Variants in DNAH8 observed in about 807,000 individuals in gnomAD.
The protein encoded by DNAH8 is dynein axonemal heavy chain 8, also known as axonemal beta dynein heavy chain 8.
DNAH8 carries 382 observed loss-of-function variants against 562.1 expected under a neutral mutation model. The ratio of observed to expected loss-of-function variants is 0.68; its 90% CI spans 0.63 to 0.74. The LOEUF is 0.74. Among genes scored for constraint, DNAH8 ranks in the 30% least tolerant of loss-of-function variants. The pLI, the probability that DNAH8 is intolerant of heterozygous loss-of-function variation, is 0.00. For missense variants in DNAH8, 5,203 were observed against 5,620.4 expected (o/e 0.93, Z 2.37); for synonymous variants, 1,881 against 1,919.4 (o/e 0.98, Z 0.52).
Position 39,015,020 on chromosome 6 carries a change from A to G in DNAH8, c.13714+2383A>G, listed in dbSNP as rs1187381900. Among the ~76,000 whole-genome samples, 11 of 152,070 alleles carry G rather than the reference A, an allele frequency of 7.2e-5. 1 individual carries two copies. The highest frequency in any genetic ancestry group is 1.6e-4 in the Non-Finnish European group (11 of 68,024). ...GTCTCTGAGAGAGCAAGGAGGGACA[A>G]TGTAGGCTGGAGGCAAGGTACAAGA... On this transcript the variant is annotated intron_variant, in intron 91 of 92. Transcript: ENST00000327475.
intron 17 of DNAH8, among the ~76,000 whole-genome samples, chr6:38,784,789 C>T (rs1228906750): frequency 6.6e-6 from 1 of 152,188 alleles, no homozygotes; most frequent in Admixed American, 6.5e-5. Flanking sequence ...GTGGCTTGCC[C>T]AAGATCACAC....
chr6:38,922,166 CA>C (rs902639734), intron 71 of DNAH8, among the ~76,000 whole-genome samples: 3 of 151,712 alleles, frequency 2.0e-5, no homozygotes, highest in Non-Finnish European at 2.9e-5. Flanking sequence ...AGAGACCTGA[CA>C]GGGGCAATCT....
intron 8 of DNAH8, among the ~76,000 whole-genome samples, chr6:38,745,335 C>CTAA (rs1764839149): frequency 6.6e-6 from 1 of 152,186 alleles, no homozygotes; most frequent in Non-Finnish European, 1.5e-5. Context: ...CAATAAAAGG[C>CTAA]TAATGCATTA....
chr6:38,888,129 G>T (rs1166579435), intron 57 of DNAH8, among the ~76,000 whole-genome samples: 1 of 152,044 alleles, frequency 6.6e-6, no homozygotes, highest in Admixed American at 6.5e-5. Context: ...ATGAGCCACC[G>T]TGCCCATCCG....
At chr6:38,806,033 T>A (rs961514455) in intron 23 of DNAH8, among the ~76,000 whole-genome samples, 6 of 152,254 alleles carry the variant, frequency 3.9e-5, no homozygotes, top group East Asian at 1.9e-4. Context: ...CTCTGGACTC[T>A]CCCCCAGGAG....
chr6:38,992,993 A>G (rs1025362589), intron 88 of DNAH8, among the ~76,000 whole-genome samples: 4 of 152,046 alleles, frequency 2.6e-5, no homozygotes, highest in Admixed American at 1.3e-4. Context: ...CTACAGCTAT[A>G]TCTATGTATA....
intron 56 of DNAH8, 64 bp downstream of exon 56, chr6:38,884,062 A>G (rs1778723478): frequency 2.8e-6 from 3 of 1,060,746 alleles, no homozygotes; most frequent in Non-Finnish European, 3.6e-6. Flanking sequence ...TATATTATAT[A>G]TATGTAAATG....
At chr6:38,960,753 C>T (rs1409246392) in intron 82 of DNAH8, among the ~76,000 whole-genome samples, 4 of 151,966 alleles carry the variant, frequency 2.6e-5, no homozygotes, top group African/African-American at 9.7e-5. Flanking sequence ...TTCAGCAGTG[C>T]TGCTACTAAA....
intron 85 of DNAH8, among the ~76,000 whole-genome samples, chr6:38,980,497 T>C (rs1224571863): frequency 6.6e-6 from 1 of 152,164 alleles, no homozygotes; most frequent in Non-Finnish European, 1.5e-5. Flanking sequence ...GGGTGGAAGA[T>C]GGTTCTTCAC....
Position 38,761,686 on chromosome 6 carries a change from C to T in DNAH8, c.1516-16C>T. The T allele has an allele frequency of 7.7e-7, 1 of 1,298,222 alleles. No homozygotes were observed. The highest frequency in any genetic ancestry group is 1.1e-6 in the Non-Finnish European group (1 of 940,918). 80.4% of individuals were successfully genotyped at this position (1,298,222 alleles called of 1,614,324 possible). A position where few individuals can be genotyped will look rare whatever the true frequency, so the allele number is the denominator to read the frequency against. On this transcript the variant is annotated splice_polypyrimidine_tract_variant and intron_variant, in intron 10 of 92. Coordinates refer to ENST00000327475, the MANE Select transcript of DNAH8 (RefSeq NM_001206927.2). ...TCTTTTTACATATAATTATTTTGTA[C>T]CTATATTTATTTCAGGTAACAAATC... is the stretch of plus-strand genomic sequence containing the variant.
At position 39,030,591 on chromosome 6, in the gene DNAH8, G is replaced by A; in HGVS notation, c.*199G>A. On this transcript the variant is annotated 3_prime_UTR_variant, in exon 93 of 93. Transcript: ENST00000327475. ...TTCAAAAAGATAACTCTAAATGAAT[G>A]TTTTTTATTCTGGGAAATCATATTT... The A allele has an allele frequency of 3.9e-6, 2 of 514,816 alleles. No homozygotes were observed. Among genetic ancestry groups the A allele is most frequent in the South Asian group, 6.2e-5 (2 of 32,346 alleles). The allele number at this position is 514,816 out of a possible 1,614,324, so 31.9% of individuals were successfully genotyped here.
chr6:38,942,822 C>T (rs1399458896), intron 79 of DNAH8, among the ~76,000 whole-genome samples: 1 of 152,196 alleles, frequency 6.6e-6, no homozygotes, highest in African/African-American at 2.4e-5. Flanking sequence ...CATAGTCCCA[C>T]CCCGTCTCAC....
chr6:39,011,153 A>T lies in DNAH8; in HGVS notation c.13372-1062A>T, dbSNP rs1766187008. ...TGCTTTCCGTCTTCCTCTTTCACTC[A>T]CTAGAAACAACCCAATTGCAGTAAA... On this transcript the variant is annotated intron_variant, in intron 89 of 92. Coordinates refer to ENST00000327475, the MANE Select transcript of DNAH8 (RefSeq NM_001206927.2). Among the ~76,000 whole-genome samples the T allele has an allele frequency of 2.7e-5, 4 of 148,872 alleles. No homozygotes were observed. In the South Asian group the frequency reaches 8.7e-4, roughly 32 times the overall value.
chr6:39,021,609 G>T (rs2235869), intron 91 of DNAH8, among the ~76,000 whole-genome samples: 82,736 of 152,070 alleles, frequency 0.54, 24,568 homozygotes, highest in East Asian at 0.72. Flanking sequence ...TCTGACCTTT[G>T]GTTTAATTTA....
At chr6:38,962,582 T>C (rs1488955782) in intron 82 of DNAH8, among the ~76,000 whole-genome samples, 1 of 152,210 alleles carries the variant, frequency 6.6e-6, no homozygotes, top group African/African-American at 2.4e-5. Context: ...TTAACTTTAG[T>C]AAACATAAAA....
chr6:38,778,355 A>T (rs1366278906), intron 13 of DNAH8, 33 bp from the exon 14 acceptor site: 1 of 1,231,822 alleles, frequency 8.1e-7, no homozygotes, highest in Admixed American at 2.0e-5. Flanking sequence ...CTTTAACACC[A>T]AAAATCATTT....
At chr6:38,925,464 G>A (rs1782045850) in intron 73 of DNAH8, among the ~76,000 whole-genome samples, 1 of 151,800 alleles carries the variant, frequency 6.6e-6, no homozygotes. Context: ...CCAAAATGCT[G>A]GGATTATAGG....
chr6:38,757,926 T>C (rs1766087427), intron 10 of DNAH8, among the ~76,000 whole-genome samples: 1 of 152,202 alleles, frequency 6.6e-6, no homozygotes, highest in African/African-American at 2.4e-5. Flanking sequence ...TACTGTAGCC[T>C]TGTAGTATAG....
intron 53 of DNAH8, among the ~76,000 whole-genome samples, chr6:38,881,308 G>A (rs1778460247): frequency 1.3e-5 from 2 of 152,162 alleles, no homozygotes; most frequent in African/African-American, 4.8e-5. Context: ...ATCAATGTAT[G>A]CTTTCTTTCC....
Sources: gnomAD v4.1 joint callset for allele counts (sites outside exome capture counted in the v4.1 genomes callset) on GRCh38, gnomAD v4.1.1 for gene constraint, MANE v1.5 for transcripts, NCBI Gene and HGNC (gene_info 2026-07-23, HGNC 2026-07-21) for gene names.